The following P4HA3 variants were observed in gnomAD, a reference collection of about 807,000 sequenced individuals.
P4HA3 encodes prolyl 4-hydroxylase subunit alpha 3, also known as prolyl 4-hydroxylase subunit alpha-3.
A neutral mutation model predicts 66.7 loss-of-function variants in P4HA3; 60 were observed. The ratio of observed to expected loss-of-function variants is 0.90; its 90% CI spans 0.73 to 1.12. P4HA3 has a LOEUF of 1.12. Among genes scored for constraint, P4HA3 ranks in the 50% most tolerant of loss-of-function variants. P4HA3 has a pLI of 0.00. For missense variants in P4HA3, 683 were observed against 685.8 expected (o/e 1.00, Z 0.05); for synonymous variants, 263 against 274.6 (o/e 0.96, Z 0.42).
chr11:74,289,545 T>G (rs1449550519), intron 4 of P4HA3, among the ~76,000 whole-genome samples: 1 of 151,642 alleles, frequency 6.6e-6, no homozygotes, highest in Non-Finnish European at 1.5e-5. Flanking sequence ...GCTGCACCCA[T>G]TAACTCGTCA....
intron 15 of P4HA3, among the ~76,000 whole-genome samples, chr11:74,257,791 T>C (rs3897548): frequency 0.11 from 17,424 of 151,942 alleles, 2,708 homozygotes; most frequent in African/African-American, 0.36. Context: ...CAGTTGTAAT[T>C]GGGCAAGGAA....
intron 9 of P4HA3, among the ~76,000 whole-genome samples, chr11:74,274,506 G>A (rs1165893177): frequency 2.6e-5 from 4 of 151,464 alleles, no homozygotes; most frequent in Non-Finnish European, 4.4e-5. Context: ...GTAGAGACGG[G>A]GTTTCACTGT....
At chr11:74,262,175 G>C (rs1356867092), downstream of P4HA3, among the ~76,000 whole-genome samples, 1 of 152,098 alleles carries the variant, frequency 6.6e-6, no homozygotes. Flanking sequence ...CAAAAACACT[G>C]TCACCACGCA....
intron 1 of P4HA3, among the ~76,000 whole-genome samples, chr11:74,309,936 G>A (rs191615704): frequency 7.9e-5 from 12 of 152,192 alleles, no homozygotes; most frequent in Admixed American, 5.2e-4. Context: ...ACAAAGTTTC[G>A]CACAGGGTGA....
intron 10 of P4HA3, among the ~76,000 whole-genome samples, chr11:74,272,281 C>A (rs924769524): frequency 1.3e-5 from 2 of 152,156 alleles, no homozygotes; most frequent in Non-Finnish European, 2.9e-5. Context: ...CTTATACCCA[C>A]GCTACCTTCG....
chr11:74,288,432 A>G (rs1311104677), intron 5 of P4HA3, among the ~76,000 whole-genome samples: 2 of 152,184 alleles, frequency 1.3e-5, no homozygotes, highest in African/African-American at 2.4e-5. Flanking sequence ...TCTGCTTCCA[A>G]AATCTGGGTC....
rs145796670 is a variant in P4HA3 at position 74,277,073 on chromosome 11, A to T, written c.1247T>A (p.Leu416His). Residue 416 changes from leucine (L) to histidine (H), a missense_variant, in exon 9 of 13, where the codon CTT becomes CAT. Leu to His is a moderately conservative substitution (Grantham distance 99). Coordinates refer to ENST00000331597, the MANE Select transcript of P4HA3 (RefSeq NM_182904.5). ...LNHRIAALTG[L>H]DVRPPYAEYL... Reference sequence around the variant, plus strand: ...CTCTGCATAGGGAGGCCGGACATCAAGGCCTGTGAGGGCAGCAATGCGGTG... The same window carrying T: ...CTCTGCATAGGGAGGCCGGACATCATGGCCTGTGAGGGCAGCAATGCGGTG... 3 of 1,614,132 alleles carry T rather than the reference A, an allele frequency of 1.9e-6. No homozygotes were observed. The highest frequency in any genetic ancestry group is 2.5e-6 in the Non-Finnish European group (3 of 1,180,004).
In P4HA3 at chr11:74,266,831, T is replaced by TA. The variant is rs1010129188; in HGVS notation, c.*416dup. 52 of 586,792 alleles carry TA rather than the reference T, an allele frequency of 8.9e-5. No individual in the cohort carries two copies. The African/African-American group carries it at 9.5e-4, about 11-fold the overall frequency. The allele number at this position is 586,792 out of a possible 1,614,324, so 36.3% of individuals were successfully genotyped here. On this transcript the variant is annotated 3_prime_UTR_variant, in exon 13 of 13. Transcript: ENST00000331597. Reference sequence around the variant, plus strand: ...GCAGAAGGCAGTGGGGAGAAAGTCTTAAAGTTCTGGGAGTCAGGCTAGCCC... The same window carrying TA: ...GCAGAAGGCAGTGGGGAGAAAGTCTTAAAAGTTCTGGGAGTCAGGCTAGCCC...
intron 10 of P4HA3, 98 bp downstream of exon 10, chr11:74,273,447 G>T: frequency 8.9e-7 from 1 of 1,127,196 alleles, no homozygotes; most frequent in Non-Finnish European, 1.2e-6. Flanking sequence ...TTTGCGCTGA[G>T]TACCAGATAA....
At chr11:74,294,238 T>C (rs907469931) in intron 4 of P4HA3, among the ~76,000 whole-genome samples, 1 of 152,230 alleles carries the variant, frequency 6.6e-6, no homozygotes, top group African/African-American at 2.4e-5. Context: ...GTTGATTGCA[T>C]CGGCTACTGA....
At chr11:74,277,196 A>C (rs775927769) in intron 8 of P4HA3, 52 bp from the exon 9 acceptor site, 6 of 1,561,930 alleles carry the variant, frequency 3.8e-6, no homozygotes, top group South Asian at 1.2e-5. Flanking sequence ...CGAAATGACT[A>C]AATGACGTCT....
At chr11:74,296,496 T>C (rs1031610270) in intron 4 of P4HA3, among the ~76,000 whole-genome samples, 1 of 152,226 alleles carries the variant, frequency 6.6e-6, no homozygotes, top group African/African-American at 2.4e-5. Flanking sequence ...TAATGCCTTA[T>C]GTGTTCTGTT....
rs187482843 is a variant in P4HA3 at position 74,292,292 on chromosome 11, T to A, written c.718-3162A>T. The stretch of plus-strand genomic sequence containing the variant: ...TATTTCTGTGGGATCGGTGGTGATA[T>A]CCCCTTTATCATTTTTTATTGTGTC... On this transcript the variant is annotated intron_variant, in intron 4 of 12. Transcript: ENST00000331597. 4.9e-3 allele frequency among the ~76,000 whole-genome samples: 743 copies of A among 152,306 alleles called. 5 individuals carry two copies. The highest frequency in any genetic ancestry group is 8.5e-3 in the Non-Finnish European group (581 of 68,020).
rs764714120 is a variant in P4HA3 at position 74,267,193 on chromosome 11, CT to C, written c.*54del. 2 of 1,612,176 alleles carry C rather than the reference CT, an allele frequency of 1.2e-6. No homozygotes were observed. Among genetic ancestry groups the C allele is most frequent in the African/African-American group, 2.7e-5 (2 of 74,926 alleles). Reference sequence around the variant, plus strand: ...TCTCCTCTCCTACCCCAGCTTTTGGCTCCTGGCTTCTCTGGAAAGCCACAGG... The same window carrying C: ...TCTCCTCTCCTACCCCAGCTTTTGGCCCTGGCTTCTCTGGAAAGCCACAGG... On this transcript the variant is annotated 3_prime_UTR_variant, in exon 13 of 13. Transcript: ENST00000331597.
chr11:74,294,198 C>G (rs146407617), intron 4 of P4HA3, among the ~76,000 whole-genome samples: 1 of 151,532 alleles, frequency 6.6e-6, no homozygotes, highest in East Asian at 1.9e-4. Context: ...TCATTCATTT[C>G]GTCTTCCATC....
chr11:74,297,088 C>T (rs980091250), intron 4 of P4HA3, among the ~76,000 whole-genome samples: 19 of 152,110 alleles, frequency 1.2e-4, no homozygotes, highest in Admixed American at 5.2e-4. Flanking sequence ...TGTGCCACCA[C>T]ACCCGGTTAA....
chr11:74,290,547 A>C (rs1338755431), intron 4 of P4HA3, among the ~76,000 whole-genome samples: 1 of 151,574 alleles, frequency 6.6e-6, no homozygotes, highest in African/African-American at 2.4e-5. Context: ...GGTATTGCCT[A>C]GGTTTTCTTC....
intron 4 of P4HA3, 146 bp from the exon 5 acceptor site, chr11:74,289,276 G>T: frequency 1.5e-6 from 1 of 665,022 alleles, no homozygotes. Flanking sequence ...CAGCAGACCA[G>T]AAATGCAGAG....
intron 15 of P4HA3, chr11:74,256,010 A>G (rs780744327): frequency 4.1e-6 from 2 of 492,068 alleles, no homozygotes; most frequent in East Asian, 1.1e-4. Context: ...ACTCAGGTTC[A>G]TCAGGTTCAC....
Sources: allele counts gnomAD v4.1 joint callset (sites outside exome capture counted in the v4.1 genomes callset), GRCh38; gene constraint gnomAD v4.1.1; transcripts MANE v1.5; gene names NCBI Gene and HGNC (gene_info 2026-07-23, HGNC 2026-07-21).